Variants in CUX2 observed in about 807,000 individuals in gnomAD.
The protein encoded by CUX2 is homeobox protein cut-like 2.
Under a neutral mutation model 144.8 loss-of-function variants are expected in CUX2, and 40 were observed. The ratio of observed to expected loss-of-function variants is 0.28; its 90% CI spans 0.21 to 0.36. The LOEUF (loss-of-function observed/expected upper bound fraction) is 0.36, where lower values mean the gene tolerates loss of function less well. CUX2 is among the 10% of genes least tolerant of loss of function. The pLI is 1.00. For synonymous variants in CUX2, 827 were observed against 875.6 expected, an observed-to-expected ratio of 0.94 and a Z score of 0.98; for missense variants, 1,615 against 1,994.0, an observed-to-expected ratio of 0.81 and a Z score of 3.62.
At chr12:111,063,859 G>A (rs1343081203) in intron 1 of CUX2, among the ~76,000 whole-genome samples, 1 of 152,224 alleles carries the variant, frequency 6.6e-6, no homozygotes, top group East Asian at 1.9e-4. Context: ...CTGGGCTGTT[G>A]AGTAAATATT....
At chr12:111,329,322 G>A (rs1210366465) in intron 18 of CUX2, among the ~76,000 whole-genome samples, 3 of 151,412 alleles carry the variant, frequency 2.0e-5, no homozygotes, top group East Asian at 2.0e-4. Context: ...TCTCCCTGTC[G>A]TCGCCTCCCT....
Position 111,341,831 on chromosome 12 carries a change from C to T in CUX2, c.3437C>T (p.Ser1146Phe). ...GLISTGSDSE[S>F]PATRSECPSP... is the part of the protein sequence containing the mutation. ...ATCAGCACCGGCTCAGACAGTGAGTCCCCGGCCACCCGCTCAGAGTGCCCC... is the reference window on the plus strand; with the variant it reads ...ATCAGCACCGGCTCAGACAGTGAGTTCCCGGCCACCCGCTCAGAGTGCCCC... Residue 1146 changes from serine to phenylalanine, a missense_variant, in exon 21 of 22, where the codon TCC becomes TTC. By Grantham distance (155) the Ser-to-Phe change is radical (BLOSUM62 -2). Around this residue, in one of 12 missense-constraint regions of CUX2, gnomAD observed 131 missense variants for 223.1 expected, o/e 0.59. Coordinates refer to ENST00000261726, the MANE Select transcript of CUX2 (RefSeq NM_015267.4). The T allele has an allele frequency of 6.2e-7, 1 of 1,612,702 alleles. No individual in the cohort carries two copies. The highest frequency in any genetic ancestry group is 1.1e-5 in the South Asian group (1 of 90,984).
intron 2 of CUX2, among the ~76,000 whole-genome samples, chr12:111,215,252 C>A (rs1881467995): frequency 6.6e-6 from 1 of 152,084 alleles, no homozygotes; most frequent in African/African-American, 2.4e-5. Flanking sequence ...CAGTCTGATA[C>A]CGAGATTGGT....
chr12:111,316,442 G>A (rs139809352), intron 16 of CUX2, among the ~76,000 whole-genome samples: 5,838 of 143,192 alleles, frequency 0.041, 147 homozygotes, highest in South Asian at 0.091. Context: ...CACCGCGCCC[G>A]GCACTTCTTT....
chr12:111,173,455 C>T (rs1878664772), intron 1 of CUX2, among the ~76,000 whole-genome samples: 3 of 152,230 alleles, frequency 2.0e-5, no homozygotes, highest in South Asian at 4.1e-4. Flanking sequence ...CATATAGTTC[C>T]GGGGCACCTA....
At chr12:111,111,567 G>T (rs576367907) in intron 1 of CUX2, among the ~76,000 whole-genome samples, 1 of 152,258 alleles carries the variant, frequency 6.6e-6, no homozygotes, top group Admixed American at 6.5e-5. Context: ...GAATCCTTTG[G>T]CAGTGATCTC....
intron 1 of CUX2, among the ~76,000 whole-genome samples, chr12:111,145,543 A>G (rs1045687654): frequency 6.6e-6 from 1 of 151,758 alleles, no homozygotes; most frequent in African/African-American, 2.4e-5. Flanking sequence ...TAATTTTTTT[A>G]CTATAGAGAT....
chr12:111,271,583 C>A (rs965430385), intron 4 of CUX2, among the ~76,000 whole-genome samples: 1 of 152,126 alleles, frequency 6.6e-6, no homozygotes, highest in African/African-American at 2.4e-5. Flanking sequence ...CTGTGCTGTA[C>A]CAAGAAGAAA....
chr12:111,191,459 G>T (rs572407477), intron 1 of CUX2, among the ~76,000 whole-genome samples: 1 of 152,074 alleles, frequency 6.6e-6, no homozygotes. Context: ...AGCTTCCGGA[G>T]TAGCTGAGAT....
At chr12:111,220,445 T>C (rs1475377986) in intron 3 of CUX2, among the ~76,000 whole-genome samples, 1 of 151,888 alleles carries the variant, frequency 6.6e-6, no homozygotes, top group Non-Finnish European at 1.5e-5. Context: ...TAGGTTTGGG[T>C]GATGTTCGGG....
At chr12:111,221,451 A>G (rs1327341482) in intron 3 of CUX2, among the ~76,000 whole-genome samples, 2 of 152,110 alleles carry the variant, frequency 1.3e-5, no homozygotes, top group African/African-American at 4.8e-5. Flanking sequence ...TCCTCTTGCA[A>G]TCCACCAGGC....
chr12:111,319,204 T>C (rs996847757), intron 16 of CUX2, among the ~76,000 whole-genome samples: 3 of 151,904 alleles, frequency 2.0e-5, no homozygotes, highest in Non-Finnish European at 4.4e-5. Flanking sequence ...GTCCCAGCAC[T>C]TTGGGAGGCC....
At chr12:111,123,828 G>A (rs780437638) in intron 1 of CUX2, among the ~76,000 whole-genome samples, 10 of 152,152 alleles carry the variant, frequency 6.6e-5, no homozygotes, top group Admixed American at 4.6e-4. Flanking sequence ...GAGCCACCGC[G>A]CCCAGACAAA....
chr12:111,325,298 G>GA (rs113921328), intron 18 of CUX2, among the ~76,000 whole-genome samples: 5,757 of 86,330 alleles, frequency 0.067, 170 homozygotes, highest in African/African-American at 0.17. Context: ...CGTCTCAAAA[G>GA]AAAAAAAAAA....
chr12:111,239,726 C>T (rs536088265), intron 3 of CUX2, among the ~76,000 whole-genome samples: 1 of 152,212 alleles, frequency 6.6e-6, no homozygotes, highest in African/African-American at 2.4e-5. Flanking sequence ...CTGTTTGTCT[C>T]GCCTGTTGCT....
At chr12:111,065,929 G>A (rs1424866984) in intron 1 of CUX2, among the ~76,000 whole-genome samples, 1 of 152,142 alleles carries the variant, frequency 6.6e-6, no homozygotes, top group Non-Finnish European at 1.5e-5. Flanking sequence ...AATTCCAAAG[G>A]GACAATCAAT....
intron 1 of CUX2, among the ~76,000 whole-genome samples, chr12:111,074,041 T>TA (rs138402296): frequency 0.047 from 6,939 of 147,636 alleles, 221 homozygotes; most frequent in African/African-American, 0.056. Context: ...ATACTTATAC[T>TA]AAAAAAAAAA....
intron 1 of CUX2, among the ~76,000 whole-genome samples, chr12:111,213,937 C>T (rs1024397083): frequency 2.0e-5 from 3 of 151,726 alleles, no homozygotes; most frequent in Admixed American, 2.0e-4. Context: ...AAACAACCAA[C>T]TCCACCCAAC....
chr12:111,052,128 C>T (rs1369760075), intron 1 of CUX2, among the ~76,000 whole-genome samples: 1 of 152,030 alleles, frequency 6.6e-6, no homozygotes, highest in Non-Finnish European at 1.5e-5. Flanking sequence ...CCATGGGTGA[C>T]CTGCTCTCTC....
Sources: gnomAD v4.1 joint callset for allele counts (sites outside exome capture counted in the v4.1 genomes callset) on GRCh38, gnomAD v4.1.1 for gene constraint, gnomAD v4.1.1 regional missense constraint, MANE v1.5 for transcripts, NCBI Gene and HGNC (gene_info 2026-07-23, HGNC 2026-07-21) for gene names.